ASTN1: variants seen among roughly 807,000 people sequenced by gnomAD.
ASTN1 encodes astrotactin 1, also known as astrotactin-1.
Under a neutral mutation model 140.7 loss-of-function variants are expected in ASTN1, and 41 were observed. The observed-to-expected ratio is 0.29, with a 90% CI of 0.23 to 0.38. The LOEUF is 0.38. Ranked by LOEUF, ASTN1 falls within the 10% of genes least tolerant of loss-of-function variation. The pLI is 1.00. For synonymous variants in ASTN1, 640 were observed against 652.2 expected (o/e 0.98, Z 0.29); for missense variants, 1,479 against 1,678.8 (o/e 0.88, Z 2.08).
chr1:176,967,725 G>T (rs1438833700), intron 8 of ASTN1, among the ~76,000 whole-genome samples: 1 of 152,198 alleles, frequency 6.6e-6, no homozygotes, highest in East Asian at 1.9e-4. Context: ...GAAGCAATGA[G>T]CTTGGACATA....
chr1:176,879,206 G>A (rs907708352), intron 20 of ASTN1, among the ~76,000 whole-genome samples: 5 of 152,166 alleles, frequency 3.3e-5, no homozygotes, highest in South Asian at 2.1e-4. Context: ...GTCTGAGTCC[G>A]TAAGTCTAGG....
In ASTN1 at chr1:176,979,606, C is replaced by T. The variant is rs73049810; in HGVS notation, c.1524-14369G>A. Among the ~76,000 whole-genome samples, 1,409 of 152,246 alleles carry T rather than the reference C, an allele frequency of 9.3e-3. 34 individuals are homozygous for T. The highest frequency in any genetic ancestry group is 0.032 in the African/African-American group (1,337 of 41,518). On this transcript the variant is annotated intron_variant, in intron 8 of 22. Coordinates refer to ENST00000361833, the MANE Select transcript of ASTN1 (RefSeq NM_004319.3). Reference sequence around the variant, plus strand: ...CTCCCTTGCCAGAGCGTTAGTCCCTCGAGGGCAGGGACCCTGTGAGCCTTC... The same window carrying T: ...CTCCCTTGCCAGAGCGTTAGTCCCTTGAGGGCAGGGACCCTGTGAGCCTTC...
In ASTN1 at chr1:176,957,005, C is replaced by T. The variant is rs530502917; in HGVS notation, c.1887+673G>A. On this transcript the variant is annotated intron_variant, in intron 11 of 22. Transcript: ENST00000361833. Reference sequence around the variant, plus strand: ...CTTGAACTCCTGGGCTCAAGGAATCCTTCTGCCTCAGCCTCCAGAGTAGGT... The same window carrying T: ...CTTGAACTCCTGGGCTCAAGGAATCTTTCTGCCTCAGCCTCCAGAGTAGGT... 2.6e-5 allele frequency among the ~76,000 whole-genome samples: 4 copies of T among 152,230 alleles called. No individual in the cohort carries two copies. The East Asian group carries it at 7.7e-4, about 29-fold the overall frequency.
In ASTN1 at chr1:176,992,037, G is replaced by GA. The variant is rs372841326; in HGVS notation, c.1523+22753dup. ...TCTGAAAATGTATTAGTAGATAATA[G>GA]AAAAAATACAATAAGTACAAATTCA... On this transcript the variant is annotated intron_variant, in intron 8 of 22. Coordinates refer to ENST00000361833, the MANE Select transcript of ASTN1 (RefSeq NM_004319.3). Among the ~76,000 whole-genome samples, 172 of 152,242 alleles carry GA rather than the reference G, an allele frequency of 1.1e-3. 2 individuals are homozygous for GA. The highest frequency in any genetic ancestry group is 6.8e-3 in the Middle Eastern group (2 of 294).
chr1:177,028,374 T>C (rs1676241601), intron 5 of ASTN1, among the ~76,000 whole-genome samples: 1 of 152,136 alleles, frequency 6.6e-6, no homozygotes, highest in Middle Eastern at 3.2e-3. Context: ...AATATTAGAA[T>C]ACCCAGAGCC....
chr1:177,103,800 A>C (rs1229507964), intron 1 of ASTN1, among the ~76,000 whole-genome samples: 3 of 152,128 alleles, frequency 2.0e-5, no homozygotes, highest in Non-Finnish European at 2.9e-5. Flanking sequence ...ATGAGGGTTA[A>C]AGTGACAAAG....
In ASTN1 at chr1:176,862,898, C is replaced by T. The variant is rs1668013000; in HGVS notation, c.*1386G>A. The T allele has an allele frequency of 6.1e-6, 6 of 985,474 alleles. No homozygotes were observed. The highest frequency in any genetic ancestry group is 7.2e-6 in the Non-Finnish European group (6 of 829,970). The allele number at this position is 985,474 out of a possible 1,614,324, so 61.0% of individuals were successfully genotyped here. On this transcript the variant is annotated 3_prime_UTR_variant, in exon 23 of 23. Transcript: ENST00000361833. Reference sequence around the variant, plus strand: ...GTCTTGCATCTGTTTGCTGACCTTTCTCATATGTTTCCAGATGAGGAGCCC... The same window carrying T: ...GTCTTGCATCTGTTTGCTGACCTTTTTCATATGTTTCCAGATGAGGAGCCC...
intron 1 of ASTN1, among the ~76,000 whole-genome samples, chr1:177,113,634 G>A (rs1680928853): frequency 6.6e-6 from 1 of 152,164 alleles, no homozygotes; most frequent in Non-Finnish European, 1.5e-5. Flanking sequence ...CTCACCTACA[G>A]TGGACTTACC....
chr1:176,993,371 T>C (rs917824464), intron 8 of ASTN1, among the ~76,000 whole-genome samples: 1 of 152,166 alleles, frequency 6.6e-6, no homozygotes, highest in African/African-American at 2.4e-5. Flanking sequence ...GTGGGTGCTA[T>C]GGAACTCCAG....
In ASTN1 at chr1:177,091,027, T is replaced by A. The variant is rs1050145881; in HGVS notation, c.284-29762A>T. Among the ~76,000 whole-genome samples the A allele has an allele frequency of 2.6e-5, 4 of 151,416 alleles. No homozygotes were observed. The South Asian group carries it at 8.4e-4, about 32-fold the overall frequency. Reference sequence around the variant, plus strand: ...CTGGTCCTGCTTGATAACAAAGGAGTGATGAGGCTGGTGAAAGGGGAAGTC... The same window carrying A: ...CTGGTCCTGCTTGATAACAAAGGAGAGATGAGGCTGGTGAAAGGGGAAGTC... On this transcript the variant is annotated intron_variant, in intron 1 of 22. Coordinates refer to ENST00000361833, the MANE Select transcript of ASTN1 (RefSeq NM_004319.3).
intron 1 of ASTN1, among the ~76,000 whole-genome samples, chr1:177,092,983 G>A (rs549242468): frequency 6.6e-6 from 1 of 152,274 alleles, no homozygotes; most frequent in South Asian, 2.1e-4. Flanking sequence ...AAAGAAGTTA[G>A]TTATAGAAAT....
At chr1:177,023,989 A>G (rs1226558803) in intron 6 of ASTN1, among the ~76,000 whole-genome samples, 1 of 152,202 alleles carries the variant, frequency 6.6e-6, no homozygotes, top group East Asian at 1.9e-4. Flanking sequence ...CTGCGTGAAC[A>G]GTCCCCACCT....
At position 176,861,714 on chromosome 1, in the gene ASTN1, A is replaced by T; in HGVS notation, c.*2570T>A. On this transcript the variant is annotated 3_prime_UTR_variant, in exon 23 of 23. Coordinates refer to ENST00000361833, the MANE Select transcript of ASTN1 (RefSeq NM_004319.3). The stretch of plus-strand genomic sequence containing the variant: ...TGTGTGTGTGTACATACATACACAC[A>T]TTCAGTGGGGAGAACTCAACGAGAA... 4 of 985,438 alleles carry T rather than the reference A, an allele frequency of 4.1e-6. No individual in the cohort carries two copies. Among genetic ancestry groups the T allele is most frequent in the Non-Finnish European group, 4.8e-6 (4 of 829,944 alleles). The allele number at this position is 985,438 out of a possible 1,614,324, so 61.0% of individuals were successfully genotyped here.
intron 1 of ASTN1, among the ~76,000 whole-genome samples, chr1:177,136,794 T>C (rs1271127785): frequency 6.6e-6 from 1 of 152,206 alleles, no homozygotes; most frequent in Non-Finnish European, 1.5e-5. Flanking sequence ...AAGCAATGTC[T>C]TTTCTTTCCT....
chr1:176,936,337 G>C lies in ASTN1; in HGVS notation c.2411C>G (p.Pro804Arg), dbSNP rs769964393. ...CCGGACCTTCCAGTGCTGCAGCACAGGGTACCCAGACACTTCACTGAAGTT... is the reference window on the plus strand; with the variant it reads ...CCGGACCTTCCAGTGCTGCAGCACACGGTACCCAGACACTTCACTGAAGTT... Reference protein sequence around the residue: ...MVNFSEVSGYPVLQHWKVRSV... With the variant: ...MVNFSEVSGYRVLQHWKVRSV... The change falls in exon 15 of 23, where the codon CCT (proline) becomes CGT (arginine). Residue 804 changes from proline to arginine, a missense_variant. By Grantham distance (103) the Pro-to-Arg change is moderately radical (BLOSUM62 -2). Coordinates refer to ENST00000361833, the MANE Select transcript of ASTN1 (RefSeq NM_004319.3). The C allele has an allele frequency of 6.2e-7, 1 of 1,613,406 alleles. No homozygotes were observed. The highest frequency in any genetic ancestry group is 1.1e-5 in the South Asian group (1 of 91,058).
intron 1 of ASTN1, among the ~76,000 whole-genome samples, chr1:177,118,880 C>T (rs1339562856): frequency 6.6e-6 from 1 of 152,152 alleles, no homozygotes; most frequent in Non-Finnish European, 1.5e-5. Flanking sequence ...GCAAAGAGGG[C>T]AGACTTACTG....
intron 8 of ASTN1, among the ~76,000 whole-genome samples, chr1:176,987,945 G>A (rs562235809): frequency 6.6e-6 from 1 of 152,276 alleles, no homozygotes; most frequent in African/African-American, 2.4e-5. Context: ...TAATTTGGGG[G>A]CAATTATGGA....
chr1:177,162,938 T>C (rs914990663), intron 1 of ASTN1, among the ~76,000 whole-genome samples: 2 of 152,184 alleles, frequency 1.3e-5, no homozygotes, highest in African/African-American at 4.8e-5. Context: ...GAGCATAGGT[T>C]GGGTTTAATG....
intron 1 of ASTN1, among the ~76,000 whole-genome samples, chr1:177,144,841 C>T (rs1682649957): frequency 1.3e-5 from 2 of 152,124 alleles, no homozygotes; most frequent in Non-Finnish European, 1.5e-5. Flanking sequence ...TCACTCCCTG[C>T]CTTCGGGGTA....
Sources: allele counts gnomAD v4.1 joint callset (sites outside exome capture counted in the v4.1 genomes callset), GRCh38; gene constraint gnomAD v4.1.1; transcripts MANE v1.5; gene names NCBI Gene and HGNC (gene_info 2026-07-23, HGNC 2026-07-21).